CLASP1: variants seen among roughly 807,000 people sequenced by gnomAD.
The protein encoded by CLASP1 is cytoplasmic linker associated protein 1.
Under a neutral mutation model 192.3 loss-of-function variants are expected in CLASP1, and 38 were observed. The ratio of observed to expected loss-of-function variants is 0.20; its 90% CI spans 0.15 to 0.26. The LOEUF (loss-of-function observed/expected upper bound fraction) is 0.26, where lower values mean the gene tolerates loss of function less well. Ranked by LOEUF, CLASP1 falls within the 10% of genes least tolerant of loss-of-function variation. The pLI is 1.00. For synonymous variants in CLASP1, 691 were observed against 712.8 expected (o/e 0.97, Z 0.49); for missense variants, 1,433 against 1,932.5 (o/e 0.74, Z 4.85).
chr2:121,466,191 T>A (rs1183752619), intron 9 of CLASP1, among the ~76,000 whole-genome samples: 1 of 152,206 alleles, frequency 6.6e-6, no homozygotes, highest in East Asian at 1.9e-4. Context: ...GATGAAACAC[T>A]GAAAACATCA....
At chr2:121,481,662 A>C (rs1232619848) in intron 8 of CLASP1, among the ~76,000 whole-genome samples, 1 of 152,200 alleles carries the variant, frequency 6.6e-6, no homozygotes, top group East Asian at 1.9e-4. Flanking sequence ...ATTTGGTCTC[A>C]AACTAATCAT....
At chr2:121,436,189 G>A (rs191018882) in intron 19 of CLASP1, among the ~76,000 whole-genome samples, 270 of 152,026 alleles carry the variant, frequency 1.8e-3, no homozygotes, top group Non-Finnish European at 3.3e-3. Flanking sequence ...GTACCACCAC[G>A]CCTGGCTAGT....
intron 8 of CLASP1, among the ~76,000 whole-genome samples, chr2:121,494,800 C>T (rs1340118090): frequency 2.6e-5 from 4 of 152,028 alleles, no homozygotes; most frequent in Non-Finnish European, 5.9e-5. Flanking sequence ...GTGAGCGAAT[C>T]ACCTGAGGTC....
intron 3 of CLASP1, among the ~76,000 whole-genome samples, 191 bp from the exon 4 acceptor site, chr2:121,528,971 G>C (rs568355412): frequency 6.6e-6 from 1 of 152,248 alleles, no homozygotes; most frequent in Admixed American, 6.5e-5. Flanking sequence ...AAAAGAGTCT[G>C]CAAAATCCTT....
intron 19 of CLASP1, among the ~76,000 whole-genome samples, chr2:121,430,672 A>C (rs1574724158): frequency 1.3e-5 from 2 of 152,220 alleles, no homozygotes; most frequent in East Asian, 3.8e-4. Context: ...CAGCCATCAC[A>C]GAAGCTATAG....
At chr2:121,644,225 G>A (rs1229068776) in intron 1 of CLASP1, among the ~76,000 whole-genome samples, 3 of 152,020 alleles carry the variant, frequency 2.0e-5, no homozygotes, top group East Asian at 1.9e-4. Context: ...GTAAGTGGCA[G>A]AGCCAGAATG....
At chr2:121,399,127 G>A (rs2075770216) in intron 28 of CLASP1, among the ~76,000 whole-genome samples, 1 of 152,226 alleles carries the variant, frequency 6.6e-6, no homozygotes, top group Non-Finnish European at 1.5e-5. Context: ...CTCTCTTAGA[G>A]ATTTTTCCCA....
intron 33 of CLASP1, among the ~76,000 whole-genome samples, chr2:121,380,804 A>C (rs1250295531): frequency 6.6e-6 from 1 of 152,234 alleles, no homozygotes; most frequent in Non-Finnish European, 1.5e-5. Flanking sequence ...AATGGGCAAC[A>C]GAAGTTATAA....
At chr2:121,429,961 A>G (rs2081105290) in intron 20 of CLASP1, 112 bp downstream of exon 20, 1 of 783,622 alleles carries the variant, frequency 1.3e-6, no homozygotes, top group Admixed American at 2.5e-5. Flanking sequence ...TCAGAGCCAC[A>G]AAAAATGTGT....
chr2:121,377,148 A>G (rs1002909608), intron 34 of CLASP1, among the ~76,000 whole-genome samples: 3 of 152,228 alleles, frequency 2.0e-5, no homozygotes, highest in Non-Finnish European at 4.4e-5. Context: ...CTGCTGCTCT[A>G]AAGTACTGTA....
chr2:121,599,747 C>T (rs2063581316), intron 2 of CLASP1, among the ~76,000 whole-genome samples: 1 of 151,348 alleles, frequency 6.6e-6, no homozygotes, highest in Non-Finnish European at 1.5e-5. Context: ...GAAGCCCCAT[C>T]TCTACTAAAA....
At chr2:121,649,117 AC>A (rs2073741056) in intron 1 of CLASP1, among the ~76,000 whole-genome samples, 1 of 151,882 alleles carries the variant, frequency 6.6e-6, no homozygotes, top group Admixed American at 6.6e-5. Context: ...AGCCCGACTG[AC>A]CCCAGGGCCG....
chr2:121,605,528 G>A (rs2064324155), intron 2 of CLASP1, among the ~76,000 whole-genome samples, 173 bp downstream of exon 2: 1 of 152,140 alleles, frequency 6.6e-6, no homozygotes. Flanking sequence ...GAGTATCAAA[G>A]AAAACTCTAC....
At chr2:121,531,210 G>A (rs1051296048) in intron 2 of CLASP1, among the ~76,000 whole-genome samples, 5 of 152,116 alleles carry the variant, frequency 3.3e-5, no homozygotes, top group Non-Finnish European at 5.9e-5. Flanking sequence ...ATCATCAACT[G>A]TTCTGTAACT....
chr2:121,354,888 C>T (rs765249521), intron 37 of CLASP1, among the ~76,000 whole-genome samples: 5 of 152,122 alleles, frequency 3.3e-5, no homozygotes, highest in Admixed American at 6.5e-5. Flanking sequence ...TGGTGCTCTT[C>T]GGGGTTGCAA....
At chr2:121,358,582 A>T (rs534150018) in intron 37 of CLASP1, among the ~76,000 whole-genome samples, 4 of 152,324 alleles carry the variant, frequency 2.6e-5, no homozygotes, top group African/African-American at 9.6e-5. Context: ...GCATTTGTCT[A>T]AAGGACTGCA....
intron 14 of CLASP1, among the ~76,000 whole-genome samples, chr2:121,455,442 T>C (rs2086428442): frequency 6.6e-6 from 1 of 152,224 alleles, no homozygotes; most frequent in African/African-American, 2.4e-5. Context: ...TAATGTAGCA[T>C]ATATATACAA....
At chr2:121,532,475 T>C (rs2104842992) in intron 2 of CLASP1, 1 of 152,292 alleles carries the variant, frequency 6.6e-6, no homozygotes. Flanking sequence ...ACACGTCATA[T>C]GATGTCATGA....
intron 19 of CLASP1, among the ~76,000 whole-genome samples, chr2:121,434,038 G>C (rs1157121398): frequency 2.0e-5 from 3 of 152,064 alleles, no homozygotes; most frequent in Admixed American, 2.0e-4. Flanking sequence ...AGGAATTTTT[G>C]GAGTATCTTT....
Sources: allele counts gnomAD v4.1 joint callset (sites outside exome capture counted in the v4.1 genomes callset), GRCh38; gene constraint gnomAD v4.1.1; transcripts MANE v1.5; gene names NCBI Gene and HGNC (gene_info 2026-07-23, HGNC 2026-07-21).